TDRD3: variants seen among roughly 807,000 people sequenced by gnomAD.
TDRD3 encodes tudor domain-containing protein 3.
In TDRD3, 45 loss-of-function variants were observed where a neutral mutation model predicts 86.7. That is an observed-to-expected ratio of 0.52 (90% CI 0.41 to 0.67). The LOEUF (loss-of-function observed/expected upper bound fraction) is 0.67. Ranked by LOEUF, TDRD3 falls within the 30% of genes least tolerant of loss-of-function variation. The probability of loss-of-function intolerance (pLI) is 0.00; values close to 1 mark genes in which losing one functional copy is unlikely to be tolerated. For missense variants in TDRD3, 814 were observed against 889.0 expected (o/e 0.92, Z 1.07); for synonymous variants, 298 against 301.7 (o/e 0.99, Z 0.13).
chr13:60,525,681 A>G (rs997544054), intron 10 of TDRD3, among the ~76,000 whole-genome samples: 1 of 152,250 alleles, frequency 6.6e-6, no homozygotes, highest in South Asian at 2.1e-4. Flanking sequence ...ACTATCAGCA[A>G]TTTCCTAAGT....
In TDRD3 at chr13:60,499,149, G is replaced by T. The variant is rs182002719; in HGVS notation, c.858+4574G>T. On this transcript the variant is annotated intron_variant, in intron 8 of 13. Coordinates refer to ENST00000377881, the MANE Select transcript of TDRD3 (RefSeq NM_001146070.2). ...AAAAACAATATTGCATCCCTGGAGG[G>T]ATTGCAGAGATTAGTGCCACCATCA... Among the ~76,000 whole-genome samples, 659 of 152,312 alleles carry T rather than the reference G, an allele frequency of 4.3e-3. 6 individuals are homozygous for T. The highest frequency in any genetic ancestry group is 7.7e-3 in the Non-Finnish European group (526 of 68,028).
In TDRD3 at chr13:60,485,878, C is replaced by A; in HGVS notation, c.647C>A (p.Pro216His). The A allele has an allele frequency of 6.2e-7, 1 of 1,610,704 alleles. No homozygotes were observed. Among genetic ancestry groups the A allele is most frequent in the Non-Finnish European group, 8.5e-7 (1 of 1,178,506 alleles). ...TTGCAAGTTACAATGCCTGTCAAAC[C>A]TACAAATGATAATGATGAATTTGAA... ...KTLQVTMPVK[P>H]TNDNDEFEKQ... Residue 216 changes from proline to histidine, a missense_variant, in exon 7 of 14, where the codon CCT becomes CAT. Transcript: ENST00000377881.
chr13:60,469,621 A>G (rs141909803), intron 5 of TDRD3, among the ~76,000 whole-genome samples: 2 of 152,174 alleles, frequency 1.3e-5, no homozygotes, highest in African/African-American at 2.4e-5. Flanking sequence ...TTTTGGCTTT[A>G]TAGTTTTTGA....
chr13:60,516,901 T>C (rs1957185212), intron 10 of TDRD3, among the ~76,000 whole-genome samples: 1 of 152,204 alleles, frequency 6.6e-6, no homozygotes, highest in Admixed American at 6.5e-5. Context: ...AACCACAAAT[T>C]TGATCACACT....
intron 8 of TDRD3, among the ~76,000 whole-genome samples, chr13:60,495,589 G>A (rs1365816698): frequency 1.3e-5 from 2 of 151,870 alleles, no homozygotes; most frequent in South Asian, 4.2e-4. Context: ...TCAGCCTCTT[G>A]AGTAGCTGGG....
intron 12 of TDRD3, among the ~76,000 whole-genome samples, chr13:60,565,355 G>T (rs1239439329): frequency 6.6e-6 from 1 of 151,900 alleles, no homozygotes; most frequent in Non-Finnish European, 1.5e-5. Flanking sequence ...GCGCCCGGCC[G>T]TCAGTATCTT....
At chr13:60,429,223 T>A (rs1274303253) in intron 1 of TDRD3, among the ~76,000 whole-genome samples, 1 of 152,184 alleles carries the variant, frequency 6.6e-6, no homozygotes, top group Non-Finnish European at 1.5e-5. Flanking sequence ...GCTTTTTATA[T>A]GCCTCTTTCA....
chr13:60,569,721 A>C (rs948192291), intron 13 of TDRD3, among the ~76,000 whole-genome samples: 3 of 152,164 alleles, frequency 2.0e-5, no homozygotes, highest in African/African-American at 7.2e-5. Context: ...TGACATAAAA[A>C]CAAACAGACC....
chr13:60,483,499 G>A (rs949295914), intron 5 of TDRD3, among the ~76,000 whole-genome samples: 1 of 152,106 alleles, frequency 6.6e-6, no homozygotes, highest in Non-Finnish European at 1.5e-5. Context: ...TTCTTAAGAA[G>A]ACTGTTTTCT....
At chr13:60,505,463 CCA>C (rs1160646275) in intron 8 of TDRD3, among the ~76,000 whole-genome samples, 1 of 152,142 alleles carries the variant, frequency 6.6e-6, no homozygotes, top group African/African-American at 2.4e-5. Context: ...GATAAAACTC[CCA>C]TGTCCCTGGG....
At chr13:60,493,080 G>A (rs1032487828) in intron 7 of TDRD3, among the ~76,000 whole-genome samples, 6 of 151,204 alleles carry the variant, frequency 4.0e-5, no homozygotes, top group Admixed American at 2.0e-4. Context: ...CAACATGCCC[G>A]GCTAATTTTT....
intron 12 of TDRD3, among the ~76,000 whole-genome samples, chr13:60,563,225 A>G (rs1444533338): frequency 1.5e-5 from 2 of 131,680 alleles, no homozygotes; most frequent in African/African-American, 2.9e-5. Context: ...AAGACTCCAT[A>G]TCAATTTAAA....
chr13:60,568,458 A>G (rs1207628348), intron 13 of TDRD3, among the ~76,000 whole-genome samples: 1 of 152,234 alleles, frequency 6.6e-6, no homozygotes, highest in African/African-American at 2.4e-5. Flanking sequence ...TCTGCTTTTA[A>G]GCAGAATCAA....
At chr13:60,470,534 G>A (rs1476283377) in intron 5 of TDRD3, among the ~76,000 whole-genome samples, 1 of 148,942 alleles carries the variant, frequency 6.7e-6, no homozygotes, top group Non-Finnish European at 1.5e-5. Context: ...GGTATTTTGT[G>A]TCTTTTTGAT....
intron 4 of TDRD3, among the ~76,000 whole-genome samples, chr13:60,466,088 A>T (rs1320256017): frequency 1.3e-5 from 2 of 152,206 alleles, no homozygotes; most frequent in East Asian, 3.8e-4. Context: ...TAAAGTTAGT[A>T]TATAAATAGC....
At chr13:60,423,546 A>G (rs1954717325) in intron 1 of TDRD3, among the ~76,000 whole-genome samples, 1 of 152,236 alleles carries the variant, frequency 6.6e-6, no homozygotes, top group South Asian at 2.1e-4. Flanking sequence ...TGTCATAAGG[A>G]AAACATTAAT....
At chr13:60,490,283 A>G (rs1956557443) in intron 7 of TDRD3, among the ~76,000 whole-genome samples, 1 of 152,158 alleles carries the variant, frequency 6.6e-6, no homozygotes, top group South Asian at 2.1e-4. Flanking sequence ...TCCTCAAGAT[A>G]GTGAGAGCTG....
chr13:60,545,584 C>T (rs1215254147), intron 12 of TDRD3, among the ~76,000 whole-genome samples: 1 of 151,948 alleles, frequency 6.6e-6, no homozygotes, highest in Non-Finnish European at 1.5e-5. Flanking sequence ...ACTTAGGACA[C>T]TAGTGACCAT....
chr13:60,467,220 C>T lies in TDRD3; in HGVS notation c.354-18C>T, dbSNP rs1012870430. 10 of 1,611,796 alleles carry T rather than the reference C, an allele frequency of 6.2e-6. No homozygotes were observed. Among genetic ancestry groups the T allele is most frequent in the African/African-American group, 1.3e-5 (1 of 74,702 alleles). On this transcript the variant is annotated intron_variant, in intron 4 of 13. Coordinates refer to ENST00000377881, the MANE Select transcript of TDRD3 (RefSeq NM_001146070.2). ...TCTCAGCTTCAATATGTTTTTAACA[C>T]TTTTCTCTTTGCTTTAGCCTGAACA... is the stretch of plus-strand genomic sequence containing the variant.
Sources: allele counts gnomAD v4.1 joint callset (sites outside exome capture counted in the v4.1 genomes callset), GRCh38; gene constraint gnomAD v4.1.1; transcripts MANE v1.5; gene names NCBI Gene and HGNC (gene_info 2026-07-23, HGNC 2026-07-21).